The following CYGB variants were observed in gnomAD, a reference collection of about 807,000 sequenced individuals.
CYGB encodes cytoglobin, also known as histoglobin.
Under a neutral mutation model 20.7 loss-of-function variants are expected in CYGB, and 13 were observed. That is an observed-to-expected ratio of 0.63 (90% confidence interval 0.41 to 1.00). The LOEUF (loss-of-function observed/expected upper bound fraction) is 1.00, where lower values mean the gene tolerates loss of function less well. CYGB is among the 50% of genes least tolerant of loss of function. The pLI is 0.00. For synonymous variants in CYGB, 93 were observed against 107.4 expected (o/e 0.87, Z 0.83); for missense variants, 218 against 257.2 (o/e 0.85, Z 1.04).
chr17:76,532,552 G>A (rs1392488749), intron 1 of CYGB, among the ~76,000 whole-genome samples: 1 of 129,114 alleles, frequency 7.7e-6, no homozygotes, highest in East Asian at 2.4e-4. Context: ...TTTTTTTTGA[G>A]ATGGAGTCTC....
At chr17:76,549,509 A>T (rs2075087067) in intron 1 of CYGB, among the ~76,000 whole-genome samples, 2 of 152,250 alleles carry the variant, frequency 1.3e-5, no homozygotes, top group Admixed American at 1.3e-4. Context: ...TCACCCTGTC[A>T]TACACGGCTG....
rs527259727 is a variant in CYGB at position 76,528,875 on chromosome 17, A to G, written c.540-264T>C. 8.2e-7 allele frequency: 1 copy of G among 1,218,022 alleles called. No homozygotes were observed. Among genetic ancestry groups the G allele is most frequent in the South Asian group, 4.3e-5 (1 of 23,334 alleles). The allele number at this position is 1,218,022 out of a possible 1,614,324, so 75.5% of individuals were successfully genotyped here. A position where few individuals can be genotyped will look rare whatever the true frequency, so the allele number is the denominator to read the frequency against. On this transcript the variant is annotated intron_variant, in intron 3 of 3. Coordinates refer to ENST00000293230, the MANE Select transcript of CYGB (RefSeq NM_134268.5). This position sits in a 1 kb window ranked among gnomAD's most constrained non-coding sequence, Gnocchi z 5.8. ...GAATAATGTCTGTCTTGTGACATAA[A>G]CTGGGTAAAAAAGTGTTTCACAAAC...
Position 76,530,955 on chromosome 17 carries a change from G to A in CYGB, c.539+24C>T, listed in dbSNP as rs369542211. 1.1e-4 allele frequency: 178 copies of A among 1,548,614 alleles called. No homozygotes were observed. Among genetic ancestry groups the A allele is most frequent in the Non-Finnish European group, 4.0e-5 (46 of 1,144,248 alleles). On this transcript the variant is annotated intron_variant, in intron 3 of 3. Coordinates refer to ENST00000293230, the MANE Select transcript of CYGB (RefSeq NM_134268.5). The surrounding 1 kb of genome is among the most constrained non-coding windows in gnomAD (Gnocchi z 6.1). The stretch of plus-strand genomic sequence containing the variant: ...GAGGACATGGCGGGGAGGCTGCCCA[G>A]CCCACCCTCGCCCGCCTCCTCACGT...
At chr17:76,540,464 G>A (rs751944355), upstream of CYGB, 29 of 1,604,980 alleles carry the variant, frequency 1.8e-5, no homozygotes, top group Non-Finnish European at 2.5e-5. This position sits in a 1 kb window ranked among gnomAD's most constrained non-coding sequence, Gnocchi z 5.0. Context: ...GAGGGGCTGG[G>A]CACAGCCATA....
At chr17:76,544,963 G>T in intron 1 of CYGB, 2 of 456,692 alleles carry the variant, frequency 4.4e-6, no homozygotes, top group South Asian at 1.5e-5. Flanking sequence ...GAGGAAGGGC[G>T]GGAAAAAGAG....
chr17:76,529,152 G>A (rs1567905438), intron 3 of CYGB: 1 of 984,562 alleles, frequency 1.0e-6, no homozygotes, highest in Non-Finnish European at 1.2e-6. Context: ...GAGAAGTTGG[G>A]CGAGGGCCTT....
At chr17:76,534,382 C>T (rs2074891023) in intron 1 of CYGB, among the ~76,000 whole-genome samples, 2 of 152,112 alleles carry the variant, frequency 1.3e-5, no homozygotes, top group Admixed American at 6.5e-5. Flanking sequence ...TTTCGCCATG[C>T]TGGCCAGGCT....
chr17:76,531,398 C>T lies in CYGB; in HGVS notation c.375+62G>A, dbSNP rs960171130. 30 of 1,553,452 alleles carry T rather than the reference C, an allele frequency of 1.9e-5. No homozygotes were observed. Among genetic ancestry groups the T allele is most frequent in the Admixed American group, 8.7e-5 (5 of 57,480 alleles). On this transcript the variant is annotated intron_variant, in intron 2 of 3. Coordinates refer to ENST00000293230, the MANE Select transcript of CYGB (RefSeq NM_134268.5). This position sits in a 1 kb window ranked among gnomAD's most constrained non-coding sequence, Gnocchi z 7.4. Reference sequence around the variant, plus strand: ...CTCCAGAGAGCCGTCGCAGAGCCTGCGAGCTGCAGATGGCCATGACGCGTG... The same window carrying T: ...CTCCAGAGAGCCGTCGCAGAGCCTGTGAGCTGCAGATGGCCATGACGCGTG...
chr17:76,540,398 T>C (rs112889580), upstream of CYGB: 4,151 of 1,361,344 alleles, frequency 3.0e-3, 86 homozygotes, highest in African/African-American at 0.047. The surrounding 1 kb of genome is among the most constrained non-coding windows in gnomAD (Gnocchi z 5.0). Flanking sequence ...TCAAAGGCTC[T>C]AGTTGCAGCC....
Position 76,527,842 on chromosome 17 carries a change from G to T in CYGB, c.*736C>A, listed in dbSNP as rs1175640807. On this transcript the variant is annotated 3_prime_UTR_variant, in exon 4 of 4. Coordinates refer to ENST00000293230, the MANE Select transcript of CYGB (RefSeq NM_134268.5). ...CCATTCTAGGACAGCCGGTGAGTCA[G>T]TTCCTCTGAGGGAGTAGGGGGAGCC... The T allele has an allele frequency of 2.2e-6, 1 of 453,350 alleles. No individual in the cohort carries two copies. Among genetic ancestry groups the T allele is most frequent in the South Asian group, 1.6e-5 (1 of 64,474 alleles). 28.1% of individuals were successfully genotyped at this position (453,350 alleles called of 1,614,324 possible).
chr17:76,536,263 T>C (rs1424131721), intron 1 of CYGB, among the ~76,000 whole-genome samples: 1 of 152,170 alleles, frequency 6.6e-6, no homozygotes, highest in Non-Finnish European at 1.5e-5. Context: ...GGGCATATCA[T>C]GGTGGAGCTG....
Position 76,530,148 on chromosome 17 carries a change from CG to C in CYGB, c.539+830del. 1.1e-6 allele frequency: 1 copy of C among 946,340 alleles called. No individual in the cohort carries two copies. Among genetic ancestry groups the C allele is most frequent in the Non-Finnish European group, 1.3e-6 (1 of 794,188 alleles). The allele number at this position is 946,340 out of a possible 1,614,324, so 58.6% of individuals were successfully genotyped here. On this transcript the variant is annotated intron_variant, in intron 3 of 3. Transcript: ENST00000293230. This position sits in a 1 kb window ranked among gnomAD's most constrained non-coding sequence, Gnocchi z 6.1. ...GAATGTTTCTCTACCACGCGTGTCC[CG>C]GGCTGCTGGCTGACCTCTGCTTCCC...
At position 76,531,225 on chromosome 17, in the gene CYGB, G is replaced by T; in HGVS notation, c.376-83C>A. 2 of 1,431,338 alleles carry T rather than the reference G, an allele frequency of 1.4e-6. No individual in the cohort carries two copies. Among genetic ancestry groups the T allele is most frequent in the Non-Finnish European group, 1.9e-6 (2 of 1,045,184 alleles). 88.7% of individuals were successfully genotyped at this position (1,431,338 alleles called of 1,614,324 possible). A position where few individuals can be genotyped will look rare whatever the true frequency, so the allele number is the denominator to read the frequency against. On this transcript the variant is annotated intron_variant, in intron 2 of 3. Coordinates refer to ENST00000293230, the MANE Select transcript of CYGB (RefSeq NM_134268.5). The surrounding 1 kb of genome is among the most constrained non-coding windows in gnomAD (Gnocchi z 7.4). ...CCCAGGCCCCTCCGCCCCACGTGTG[G>T]CCGAGAGGATCATTCCTAACGCAAC...
At chr17:76,543,240 C>T (rs972449915) in intron 1 of CYGB, 3 of 369,008 alleles carry the variant, frequency 8.1e-6, no homozygotes, top group African/African-American at 6.4e-5. Context: ...GCTCGCTGCT[C>T]TCGGACGGGC....
chr17:76,530,298 G>T lies in CYGB; in HGVS notation c.539+681C>A, dbSNP rs913683344. On this transcript the variant is annotated intron_variant, in intron 3 of 3. Coordinates refer to ENST00000293230, the MANE Select transcript of CYGB (RefSeq NM_134268.5). The surrounding 1 kb of genome is among the most constrained non-coding windows in gnomAD (Gnocchi z 6.1). The stretch of plus-strand genomic sequence containing the variant: ...CCGAGTGTTCCCAACCGCCACATCT[G>T]GGGGCTAGCCCTCCCCTCACGCTCC... Among the ~76,000 whole-genome samples the T allele has an allele frequency of 1.3e-5, 2 of 152,024 alleles. No individual in the cohort carries two copies. The highest frequency in any genetic ancestry group is 2.9e-5 in the Non-Finnish European group (2 of 67,980).
intron 1 of CYGB, among the ~76,000 whole-genome samples, chr17:76,534,165 TCTCTCTCTC>T (rs2074887430): frequency 6.7e-6 from 1 of 149,444 alleles, no homozygotes; most frequent in African/African-American, 2.4e-5. Context: ...TCTCTCTCTC[TCTCTCTCTC>T]TCTTTCTTTC....
Position 76,546,734 on chromosome 17 carries a change from T to C in CYGB, c.-53+4128A>G, listed in dbSNP as rs112313400. 44 of 152,350 alleles carry C rather than the reference T, an allele frequency of 2.9e-4. 2 individuals carry two copies. Among genetic ancestry groups the C allele is most frequent in the African/African-American group, 1.0e-3 (42 of 41,558 alleles). 9.4% of individuals were successfully genotyped at this position (152,350 alleles called of 1,614,324 possible). On this transcript the variant is annotated intron_variant, in intron 1 of 3. Coordinates refer to the CYGB transcript ENST00000589145. This position sits in a 1 kb window ranked among gnomAD's most constrained non-coding sequence, Gnocchi z 4.5. ...GCTTATGTTAACATAATGATGATACTAATCGTATGATTAATAACCACTAAC... is the reference window on the plus strand; with the variant it reads ...GCTTATGTTAACATAATGATGATACCAATCGTATGATTAATAACCACTAAC...
At chr17:76,548,357 A>C (rs540484653) in intron 1 of CYGB, among the ~76,000 whole-genome samples, 125 of 152,380 alleles carry the variant, frequency 8.2e-4, no homozygotes, top group Non-Finnish European at 1.4e-3. Context: ...ACTAAGCATT[A>C]AAATAAATTA....
At chr17:76,534,278 G>A (rs59576601) in intron 1 of CYGB, among the ~76,000 whole-genome samples, 5,977 of 152,012 alleles carry the variant, frequency 0.039, 270 homozygotes, top group African/African-American at 0.11. Flanking sequence ...CTGGGTTCAA[G>A]GGATTCTCCT....
Sources: gnomAD v4.1 joint callset for allele counts (sites outside exome capture counted in the v4.1 genomes callset) on GRCh38, gnomAD v4.1.1 for gene constraint, Gnocchi (gnomAD v3.1) non-coding constraint, MANE v1.5 for transcripts, NCBI Gene and HGNC (gene_info 2026-07-23, HGNC 2026-07-21) for gene names.